The following GPR137B variants were observed in gnomAD, a reference collection of about 807,000 sequenced individuals.
The protein encoded by GPR137B is G protein-coupled receptor 137B, also known as integral membrane protein GPR137B.
GPR137B carries 42 observed loss-of-function variants against 42.5 expected under a neutral mutation model. The observed-to-expected ratio is 0.99, with a 90% CI of 0.77 to 1.28. The LOEUF (loss-of-function observed/expected upper bound fraction) is 1.28. Ranked by LOEUF, GPR137B falls within the 50% of genes most tolerant of loss-of-function variation. The pLI, the probability that GPR137B is intolerant of heterozygous loss-of-function variation, is 0.00. For missense variants in GPR137B, 487 were observed against 493.9 expected (o/e 0.99, Z 0.13); for synonymous variants, 218 against 209.7 (o/e 1.04, Z -0.34).
At chr1:236,162,633 A>C (rs2102899430) in intron 1 of GPR137B, among the ~76,000 whole-genome samples, 1 of 152,334 alleles carries the variant, frequency 6.6e-6, no homozygotes, top group Middle Eastern at 3.4e-3. Flanking sequence ...TGCTCCAGCC[A>C]TGGCTGAAAG....
At position 236,151,000 on chromosome 1, in the gene GPR137B, A is replaced by G. The variant is rs1485214878; in HGVS notation, c.414+7964A>G. 6.6e-6 allele frequency among the ~76,000 whole-genome samples: 1 copy of G among 152,222 alleles called. No individual in the cohort carries two copies. Among genetic ancestry groups the G allele is most frequent in the African/African-American group, 2.4e-5 (1 of 41,448 alleles). On this transcript the variant is annotated intron_variant, in intron 1 of 6. Coordinates refer to ENST00000366592, the MANE Select transcript of GPR137B (RefSeq NM_003272.4). This position sits in a 1 kb window ranked among gnomAD's most constrained non-coding sequence, Gnocchi z 6.2. ...ATTTGCAAGATCCAAGACCCTCTAC[A>G]AAATCTCACTGCAAGCGTCTTAGGG...
intron 2 of GPR137B, among the ~76,000 whole-genome samples, chr1:236,170,134 G>A (rs1662491971): frequency 6.6e-6 from 1 of 151,870 alleles, no homozygotes; most frequent in Non-Finnish European, 1.5e-5. Flanking sequence ...GGTGCAGTGT[G>A]AGTCCAGGGG....
Position 236,172,687 on chromosome 1 carries a change from C to CT in GPR137B, c.464+3947dup, listed in dbSNP as rs1016400106. On this transcript the variant is annotated intron_variant, in intron 2 of 6. Coordinates refer to ENST00000366592, the MANE Select transcript of GPR137B (RefSeq NM_003272.4). ...AAAAAATACAGTGAGCCAGGTTTTCCTTTTTTTTTTTTTTTAAGAGACAAG... is the reference window on the plus strand; with the variant it reads ...AAAAAATACAGTGAGCCAGGTTTTCCTTTTTTTTTTTTTTTTAAGAGACAAG... Among the ~76,000 whole-genome samples the CT allele has an allele frequency of 3.2e-3, 432 of 134,852 alleles. 1 individual carries two copies. Among genetic ancestry groups the CT allele is most frequent in the African/African-American group, 5.7e-3 (210 of 36,832 alleles). The allele number at this position is 134,852 out of a possible 152,430, so 88.5% of individuals were successfully genotyped here.
rs1220201351 is a variant in GPR137B at position 236,168,765 on chromosome 1, G to C, written c.464+10G>C. ...AATTACTCAAATACCGGTAAGTACTGCAGGGCATCTCTTTCTGTGGTAGAA... is the reference window on the plus strand; with the variant it reads ...AATTACTCAAATACCGGTAAGTACTCCAGGGCATCTCTTTCTGTGGTAGAA... On this transcript the variant is annotated intron_variant, in intron 2 of 6. Coordinates refer to ENST00000366592, the MANE Select transcript of GPR137B (RefSeq NM_003272.4). 6.3e-7 allele frequency: 1 copy of C among 1,577,716 alleles called. No homozygotes were observed. Among genetic ancestry groups the C allele is most frequent in the Non-Finnish European group, 8.7e-7 (1 of 1,146,894 alleles).
At chr1:236,199,748 T>G (rs912101693) in intron 5 of GPR137B, among the ~76,000 whole-genome samples, 1 of 152,064 alleles carries the variant, frequency 6.6e-6, no homozygotes, top group Non-Finnish European at 1.5e-5. Flanking sequence ...ATCTTCTGTC[T>G]TCTTGGTTAA....
Position 236,142,965 on chromosome 1 carries a change from T to G in GPR137B, c.343T>G (p.Trp115Gly). 1 of 1,614,182 alleles carries G rather than the reference T, an allele frequency of 6.2e-7. No individual in the cohort carries two copies. Among genetic ancestry groups the G allele is most frequent in the Non-Finnish European group, 8.5e-7 (1 of 1,180,002 alleles). Reference protein sequence around the residue: ...AANSLSPFVFWLLYCFPVCLQ... With the variant: ...AANSLSPFVFGLLYCFPVCLQ... ...CAATTCGCTCAGCCCCTTCGTCTTC[T>G]GGCTGCTCTACTGCTTCCCTGTGTG... Residue 115 changes from tryptophan (W) to glycine (G), a missense_variant, in exon 1 of 7, where the codon TGG (tryptophan) becomes GGG (glycine). Physicochemically the swap from Trp to Gly is radical, Grantham distance 184 (BLOSUM62 -2). Coordinates refer to ENST00000366592, the MANE Select transcript of GPR137B (RefSeq NM_003272.4).
chr1:236,204,881 T>TAAAAC (rs1313674610), intron 5 of GPR137B, among the ~76,000 whole-genome samples: 2 of 152,194 alleles, frequency 1.3e-5, no homozygotes, highest in Non-Finnish European at 2.9e-5. Context: ...AATAAGGGAT[T>TAAAAC]AAAACAATGA....
intron 2 of GPR137B, among the ~76,000 whole-genome samples, chr1:236,169,932 T>C (rs1662483111): frequency 6.7e-6 from 1 of 149,836 alleles, no homozygotes; most frequent in African/African-American, 2.5e-5. Context: ...CTCAGCTACT[T>C]AGGAGGCTGA....
At chr1:236,198,916 A>T (rs1435711893) in intron 5 of GPR137B, among the ~76,000 whole-genome samples, 3 of 152,068 alleles carry the variant, frequency 2.0e-5, no homozygotes, top group Non-Finnish European at 2.9e-5. Context: ...TGCTCTGGCT[A>T]AGGACTTCCA....
chr1:236,151,538 C>T (rs1329225080), intron 1 of GPR137B, among the ~76,000 whole-genome samples: 1 of 151,414 alleles, frequency 6.6e-6, no homozygotes, highest in Non-Finnish European at 1.5e-5. Flanking sequence ...ATTCTCCTGC[C>T]ACAGCCTCCC....
At chr1:236,195,759 C>T (rs563905389) in intron 5 of GPR137B, among the ~76,000 whole-genome samples, 67 of 152,256 alleles carry the variant, frequency 4.4e-4, no homozygotes, top group Non-Finnish European at 8.1e-4. Flanking sequence ...ACATCCTTGC[C>T]AGCGTTTGTT....
intron 1 of GPR137B, among the ~76,000 whole-genome samples, chr1:236,149,224 G>A (rs16833389): frequency 0.022 from 3,293 of 148,074 alleles, 128 homozygotes; most frequent in African/African-American, 0.077. Flanking sequence ...GACTCTTGGC[G>A]CACCCGTAGG....
intron 5 of GPR137B, among the ~76,000 whole-genome samples, chr1:236,203,163 C>T (rs891110437): frequency 5.3e-5 from 8 of 152,026 alleles, no homozygotes; most frequent in African/African-American, 2.4e-5. Context: ...CTGCAAGCTC[C>T]GCCTCCCAGG....
chr1:236,155,168 C>T lies in GPR137B; in HGVS notation c.414+12132C>T, dbSNP rs1257950654. Among the ~76,000 whole-genome samples the T allele has an allele frequency of 2.6e-5, 4 of 152,222 alleles. No individual in the cohort carries two copies. The highest frequency in any genetic ancestry group is 1.3e-4 in the Admixed American group (2 of 15,286). On this transcript the variant is annotated intron_variant, in intron 1 of 6. Coordinates refer to ENST00000366592, the MANE Select transcript of GPR137B (RefSeq NM_003272.4). The surrounding 1 kb of genome is among the most constrained non-coding windows in gnomAD (Gnocchi z 4.6). Reference sequence around the variant, plus strand: ...CAGGCAGTGGGCAGGCGGGCAGGTCCGTGCGCTTCTGTGGCTGAAGCGGCC... The same window carrying T: ...CAGGCAGTGGGCAGGCGGGCAGGTCTGTGCGCTTCTGTGGCTGAAGCGGCC...
At chr1:236,166,676 G>C (rs1391853617) in intron 1 of GPR137B, among the ~76,000 whole-genome samples, 1 of 151,894 alleles carries the variant, frequency 6.6e-6, no homozygotes, top group African/African-American at 2.4e-5. Flanking sequence ...AAAGGGAAGA[G>C]GTGCTTACTT....
intron 5 of GPR137B, among the ~76,000 whole-genome samples, chr1:236,187,278 G>C (rs1445718393): frequency 6.6e-6 from 1 of 152,132 alleles, no homozygotes; most frequent in Non-Finnish European, 1.5e-5. Context: ...CCATTCTGTA[G>C]GTTGCCTGTT....
intron 2 of GPR137B, among the ~76,000 whole-genome samples, chr1:236,170,573 G>A (rs1028120130): frequency 6.6e-6 from 1 of 152,186 alleles, no homozygotes; most frequent in African/African-American, 2.4e-5. Context: ...ACTGTGAAAT[G>A]ATGTTGGTCC....
chr1:236,190,863 A>G (rs1451794349), intron 5 of GPR137B, among the ~76,000 whole-genome samples: 1 of 152,082 alleles, frequency 6.6e-6, no homozygotes. Flanking sequence ...TGTTCTCTGT[A>G]TTTCCTGAAT....
In GPR137B at chr1:236,208,031, A is replaced by T. The variant is rs939683150; in HGVS notation, c.1092-19A>T. 4.4e-6 allele frequency: 7 copies of T among 1,577,440 alleles called. No individual in the cohort carries two copies. Among genetic ancestry groups the T allele is most frequent in the Non-Finnish European group, 6.1e-6 (7 of 1,147,980 alleles). ...CTATATAATGTTTCAAGTCACTGAA[A>T]TATTTTTTTCTTTTTAAGTTTTGCT... On this transcript the variant is annotated intron_variant, in intron 6 of 6. Transcript: ENST00000366592.
Sources: gnomAD v4.1 joint callset for allele counts (sites outside exome capture counted in the v4.1 genomes callset) on GRCh38, gnomAD v4.1.1 for gene constraint, Gnocchi (gnomAD v3.1) non-coding constraint, MANE v1.5 for transcripts, NCBI Gene and HGNC (gene_info 2026-07-23, HGNC 2026-07-21) for gene names.